The following FAM178B variants were observed in gnomAD, a reference collection of about 807,000 sequenced individuals.
The protein encoded by FAM178B is protein FAM178B.
Under a neutral mutation model 91.7 loss-of-function variants are expected in FAM178B, and 82 were observed. The observed-to-expected ratio is 0.89, with a 90% confidence interval of 0.75 to 1.07. The LOEUF (loss-of-function observed/expected upper bound fraction) is 1.07. FAM178B is among the 50% of genes least tolerant of loss of function. The probability of loss-of-function intolerance (pLI) is 0.00; values close to 1 mark genes in which losing one functional copy is unlikely to be tolerated. For synonymous variants in FAM178B, 368 were observed against 359.4 expected (o/e 1.02, Z -0.27); for missense variants, 769 against 846.7 (o/e 0.91, Z 1.14).
chr2:96,876,139 C>T lies in FAM178B; in HGVS notation c.*137G>A. The stretch of plus-strand genomic sequence containing the variant: ...GAGAGGAGAGGGGTCGGGGCGGTGG[C>T]AGGGGCAGGCTCTTGCCTCATCAGG... On this transcript the variant is annotated 3_prime_UTR_variant, in exon 17 of 17. Coordinates refer to ENST00000490605, the MANE Select transcript of FAM178B (RefSeq NM_001122646.3). 1 of 845,176 alleles carries T rather than the reference C, an allele frequency of 1.2e-6. No individual in the cohort carries two copies. The highest frequency in any genetic ancestry group is 1.9e-6 in the Non-Finnish European group (1 of 540,248). 52.4% of individuals were successfully genotyped at this position (845,176 alleles called of 1,614,324 possible).
chr2:96,974,079 A>C (rs1270833162), intron 1 of FAM178B, among the ~76,000 whole-genome samples: 1 of 150,710 alleles, frequency 6.6e-6, no homozygotes, highest in Admixed American at 6.6e-5. Flanking sequence ...TAAGGAAATA[A>C]CTTAAAAATA....
chr2:96,878,358 T>G, intron 15 of FAM178B, 58 bp downstream of exon 15: 1 of 1,520,452 alleles, frequency 6.6e-7, no homozygotes, highest in Non-Finnish European at 9.1e-7. Flanking sequence ...CCCCGCCGCT[T>G]GGGGGAGAAG....
chr2:96,909,724 A>T (rs1461190891), intron 12 of FAM178B, among the ~76,000 whole-genome samples: 1 of 152,100 alleles, frequency 6.6e-6, no homozygotes, highest in Non-Finnish European at 1.5e-5. Flanking sequence ...TTAATTGTGC[A>T]GCTGGGCCTC....
rs144458222 is a variant in FAM178B, at chr2:96,950,138, G to A, written c.993+1241C>T. 2.0e-3 allele frequency: 1,926 copies of A among 985,504 alleles called. 5 individuals are homozygous for A. Among genetic ancestry groups the A allele is most frequent in the Middle Eastern group, 4.2e-3 (8 of 1,914 alleles). 61.0% of individuals were successfully genotyped at this position (985,504 alleles called of 1,614,324 possible). A position where few individuals can be genotyped will look rare whatever the true frequency, so the allele number is the denominator to read the frequency against. On this transcript the variant is annotated intron_variant, in intron 7 of 16. Coordinates refer to ENST00000490605, the MANE Select transcript of FAM178B (RefSeq NM_001122646.3). ...ACACGCCCCCGGGAAGGCACTCCACGCCAGTGTCAGGGTGACGCAGGGCCC... is the reference window on the plus strand; with the variant it reads ...ACACGCCCCCGGGAAGGCACTCCACACCAGTGTCAGGGTGACGCAGGGCCC...
At chr2:96,954,988 T>C (rs1430227474) in intron 6 of FAM178B, among the ~76,000 whole-genome samples, 2 of 152,130 alleles carry the variant, frequency 1.3e-5, no homozygotes, top group Non-Finnish European at 2.9e-5. Context: ...AGTTGGAGGC[T>C]GCAGTGAGCT....
At chr2:96,905,835 TATATATATA>T (rs2081028416) in intron 12 of FAM178B, among the ~76,000 whole-genome samples, 1 of 22,522 alleles carries the variant, frequency 4.4e-5, no homozygotes, top group African/African-American at 1.7e-4. Flanking sequence ...TATATATATA[TATATATATA>T]TATATATATA....
intron 14 of FAM178B, among the ~76,000 whole-genome samples, chr2:96,885,984 T>C (rs1179302465): frequency 6.8e-6 from 1 of 146,846 alleles, no homozygotes; most frequent in African/African-American, 2.6e-5. Context: ...AGCAATGGTT[T>C]CCCCATGGCT....
chr2:96,933,818 G>A (rs1270295198), intron 8 of FAM178B, among the ~76,000 whole-genome samples: 1 of 152,186 alleles, frequency 6.6e-6, no homozygotes, highest in Non-Finnish European at 1.5e-5. Context: ...GGGCAAGGGG[G>A]CAAGAGGGCC....
intron 8 of FAM178B, among the ~76,000 whole-genome samples, chr2:96,941,931 A>G (rs6732095): frequency 0.084 from 12,820 of 152,304 alleles, 1,305 homozygotes; most frequent in African/African-American, 0.24. Context: ...AGGTCATTTC[A>G]TTTCTCTTAA....
intron 13 of FAM178B, among the ~76,000 whole-genome samples, chr2:96,898,722 T>C (rs2080869509): frequency 6.6e-6 from 1 of 152,158 alleles, no homozygotes; most frequent in African/African-American, 2.4e-5. Flanking sequence ...CTGTAAAATA[T>C]GGATGACAGT....
chr2:96,921,626 G>C lies in FAM178B; in HGVS notation c.1316C>G (p.Pro439Arg). The C allele has an allele frequency of 6.4e-7, 1 of 1,551,524 alleles. No homozygotes were observed. The highest frequency in any genetic ancestry group is 1.2e-5 in the South Asian group (1 of 84,056). ...GAGGTTCTCATCAGTGTAGGCCCCC[G>C]GCTGGGCCTGGGCACACAGCGCCAG... The part of the protein sequence containing the change: ...KFLALCAQAQ[P>R]GAYTDENLMG... The change falls in exon 11 of 17, where the codon CCG becomes CGG. Residue 439 changes from proline to arginine, a missense_variant. Coordinates refer to ENST00000490605, the MANE Select transcript of FAM178B (RefSeq NM_001122646.3).
At position 96,890,041 on chromosome 2, in the gene FAM178B, C is replaced by A. The variant is rs553010382; in HGVS notation, c.1776+3885G>T. On this transcript the variant is annotated intron_variant, in intron 14 of 16. Coordinates refer to ENST00000490605, the MANE Select transcript of FAM178B (RefSeq NM_001122646.3). Reference sequence around the variant, plus strand: ...CTGTAATCCTAGCACTTTGGGAGGCCGAGGTGGGCAGATCACCTGAGGTCA... The same window carrying A: ...CTGTAATCCTAGCACTTTGGGAGGCAGAGGTGGGCAGATCACCTGAGGTCA... Among the ~76,000 whole-genome samples the A allele has an allele frequency of 3.3e-5, 5 of 151,728 alleles. No individual in the cohort carries two copies. The South Asian group carries it at 1.0e-3, about 32-fold the overall frequency.
rs141417236 is a variant in FAM178B, at chr2:96,979,381, T to A, written c.74-6775A>T. ...TGCAACCTCAATTTTTGTACTTTAT[T>A]AGTAGAGACGGGGTTTCATCATGTT... On this transcript the variant is annotated intron_variant, in intron 1 of 16. Coordinates refer to ENST00000490605, the MANE Select transcript of FAM178B (RefSeq NM_001122646.3). Among the ~76,000 whole-genome samples the A allele has an allele frequency of 1.7e-3, 252 of 151,788 alleles. 1 individual carries two copies. Among genetic ancestry groups the A allele is most frequent in the African/African-American group, 5.8e-3 (242 of 41,368 alleles).
intron 1 of FAM178B, among the ~76,000 whole-genome samples, chr2:96,978,550 C>T (rs2082320845): frequency 6.6e-6 from 1 of 152,040 alleles, no homozygotes; most frequent in South Asian, 2.1e-4. Context: ...TGGTATTTGA[C>T]TTTCTGTTTC....
At chr2:96,941,322 C>T (rs1397172358) in intron 8 of FAM178B, among the ~76,000 whole-genome samples, 1 of 152,130 alleles carries the variant, frequency 6.6e-6, no homozygotes, top group African/African-American at 2.4e-5. Context: ...GATTGCTGGC[C>T]ATCTTGTTTC....
chr2:96,877,793 A>C, intron 16 of FAM178B, 97 bp downstream of exon 16: 3 of 1,238,670 alleles, frequency 2.4e-6, no homozygotes, highest in Non-Finnish European at 3.4e-6. Flanking sequence ...CCAGGAGCTC[A>C]GCAGCTGCAG....
intron 1 of FAM178B, among the ~76,000 whole-genome samples, chr2:96,972,840 C>G (rs143706024): frequency 3.5e-4 from 53 of 151,994 alleles, no homozygotes; most frequent in Non-Finnish European, 5.7e-4. Context: ...TTTTTTTAGA[C>G]GGAGTCTCAC....
In FAM178B at chr2:96,877,548, G is replaced by A. The variant is rs546501427; in HGVS notation, c.2007+342C>T. Among the ~76,000 whole-genome samples, 159 of 152,248 alleles carry A rather than the reference G, an allele frequency of 1.0e-3. 2 individuals carry two copies. Among genetic ancestry groups the A allele is most frequent in the Admixed American group, 4.2e-3 (65 of 15,304 alleles). On this transcript the variant is annotated intron_variant, in intron 16 of 16. Coordinates refer to ENST00000490605, the MANE Select transcript of FAM178B (RefSeq NM_001122646.3). ...CTCCAGAGTAGCTGGGATTACAGGC[G>A]CACACCACCGCGCCCGGCTAATTTT...
chr2:96,937,648 C>G (rs1048966547), intron 8 of FAM178B, among the ~76,000 whole-genome samples: 2 of 152,186 alleles, frequency 1.3e-5, no homozygotes, highest in African/African-American at 2.4e-5. Context: ...TAACGCTCAG[C>G]CATAGCTGAA....
Sources: allele counts gnomAD v4.1 joint callset (sites outside exome capture counted in the v4.1 genomes callset), GRCh38; gene constraint gnomAD v4.1.1; transcripts MANE v1.5; gene names NCBI Gene and HGNC (gene_info 2026-07-23, HGNC 2026-07-21).